MIGA1: variants seen among roughly 807,000 people sequenced by gnomAD.
MIGA1 encodes family with sequence similarity 73, member A.
A neutral mutation model predicts 82.0 loss-of-function variants in MIGA1; 58 were observed. The observed-to-expected ratio is 0.71, with a 90% CI of 0.57 to 0.88. The LOEUF (loss-of-function observed/expected upper bound fraction) is 0.88, where lower values mean the gene tolerates loss of function less well. MIGA1 is among the 40% of genes least tolerant of loss of function. MIGA1 has a pLI of 0.00. For missense variants in MIGA1, 751 were observed against 749.1 expected (o/e 1.00, Z -0.03); for synonymous variants, 249 against 253.6 (o/e 0.98, Z 0.17).
chr1:77,803,548 T>C, intron 4 of MIGA1, 142 bp downstream of exon 4: 1 of 404,472 alleles, frequency 2.5e-6, no homozygotes, highest in Non-Finnish European at 4.3e-6. Flanking sequence ...TTTAGGCAAG[T>C]AAAATACCTT....
chr1:77,863,874 C>G lies in MIGA1; in HGVS notation c.1375-20C>G. The G allele has an allele frequency of 6.7e-7, 1 of 1,489,942 alleles. No individual in the cohort carries two copies. The highest frequency in any genetic ancestry group is 9.1e-7 in the Non-Finnish European group (1 of 1,099,152). The allele number at this position is 1,489,942 out of a possible 1,614,324, so 92.3% of individuals were successfully genotyped here. ...CTCTATGTAATAATAATTTCTGTTTCAACTCATAATTTAATGCAGGTGAAA... is the reference window on the plus strand; with the variant it reads ...CTCTATGTAATAATAATTTCTGTTTGAACTCATAATTTAATGCAGGTGAAA... On this transcript the variant is annotated intron_variant, in intron 12 of 15. Coordinates refer to ENST00000370791, the MANE Select transcript of MIGA1 (RefSeq NM_198549.4).
chr1:77,873,027 T>A lies in MIGA1; in HGVS notation c.1587T>A (p.His529Gln). 6.2e-7 allele frequency: 1 copy of A among 1,614,050 alleles called. No individual in the cohort carries two copies. The highest frequency in any genetic ancestry group is 1.7e-5 in the Admixed American group (1 of 60,006). ...AGATCCCAGATGGATTTTTTGCCCA[T>A]TTTTATGCCATTTGTGAACACATCA... The change falls in exon 15 of 16, where the codon CAT (histidine) becomes CAA (glutamine). Residue 529 changes from histidine (H) to glutamine (Q), a missense_variant. By Grantham distance (24) the His-to-Gln change is conservative. Around this residue, in one of 3 missense-constraint regions of MIGA1, gnomAD observed 265 missense variants for 293.6 expected, o/e 0.90. Coordinates refer to ENST00000370791, the MANE Select transcript of MIGA1 (RefSeq NM_198549.4).
chr1:77,879,430 TGTAAAA>T lies in MIGA1; in HGVS notation c.*4373_*4378del, dbSNP rs1646918983. 1 of 152,214 alleles carries T rather than the reference TGTAAAA, an allele frequency of 6.6e-6. No individual in the cohort carries two copies. The highest frequency in any genetic ancestry group is 2.1e-4 in the South Asian group (1 of 4,836). The allele number at this position is 152,214 out of a possible 1,614,324, so 9.4% of individuals were successfully genotyped here. A position where few individuals can be genotyped will look rare whatever the true frequency, so the allele number is the denominator to read the frequency against. ...TGTAAGGACTGTACTCATTAATTTG[TGTAAAA>T]GTAAAACACTACAGTAGCAGAAAAA... is the stretch of plus-strand genomic sequence containing the variant. On this transcript the variant is annotated 3_prime_UTR_variant, in exon 16 of 16. Transcript: ENST00000370791.
chr1:77,813,194 C>T (rs1426185084), intron 5 of MIGA1, among the ~76,000 whole-genome samples: 1 of 152,112 alleles, frequency 6.6e-6, no homozygotes, highest in African/African-American at 2.4e-5. Context: ...GTTGGCCAGG[C>T]TGGTCTCGAA....
intron 2 of MIGA1, among the ~76,000 whole-genome samples, chr1:77,792,882 G>A (rs371605363): frequency 1.6e-4 from 23 of 146,556 alleles, no homozygotes; most frequent in East Asian, 6.2e-4. Flanking sequence ...TCTGCCTCCC[G>A]GGTTCAAGTG....
At chr1:77,813,589 T>C (rs1570949890) in intron 5 of MIGA1, 145 bp from the exon 6 acceptor site, 1 of 870,678 alleles carries the variant, frequency 1.1e-6, no homozygotes, top group East Asian at 2.6e-5. Flanking sequence ...GAAACTAAGA[T>C]TCTGTCATGA....
chr1:77,819,647 G>A (rs1237083535), intron 7 of MIGA1, among the ~76,000 whole-genome samples: 1 of 151,922 alleles, frequency 6.6e-6, no homozygotes, highest in African/African-American at 2.4e-5. Flanking sequence ...GCAGTGGCTC[G>A]ATCTTGACGC....
chr1:77,860,915 A>T (rs1685433520), intron 11 of MIGA1: 1 of 258,894 alleles, frequency 3.9e-6, no homozygotes, highest in Non-Finnish European at 7.4e-6. Context: ...AAGAAGCAGA[A>T]CTGCAACAAA....
At chr1:77,833,081 A>C (rs1684303657) in intron 7 of MIGA1, among the ~76,000 whole-genome samples, 1 of 152,204 alleles carries the variant, frequency 6.6e-6, no homozygotes. Context: ...ATACTGAATG[A>C]ACTTGGCAAC....
At chr1:77,789,189 G>A (rs950317513) in intron 2 of MIGA1, among the ~76,000 whole-genome samples, 1 of 147,882 alleles carries the variant, frequency 6.8e-6, no homozygotes, top group South Asian at 2.1e-4. Context: ...ATGGAATTGT[G>A]GGGGGCGGTT....
At chr1:77,861,422 C>T (rs1685448675) in intron 12 of MIGA1, 100 bp downstream of exon 12, 2 of 781,250 alleles carry the variant, frequency 2.6e-6, no homozygotes, top group Non-Finnish European at 4.3e-6. Context: ...TAAATAAAGC[C>T]AATTGTATGG....
At chr1:77,848,718 T>C in intron 8 of MIGA1, 1 of 1,533,026 alleles carries the variant, frequency 6.5e-7, no homozygotes, top group Non-Finnish European at 9.0e-7. Flanking sequence ...ACGAAGAAAC[T>C]GTAATGTCAG....
At chr1:77,840,590 G>T (rs555823604) in intron 7 of MIGA1, among the ~76,000 whole-genome samples, 2 of 152,070 alleles carry the variant, frequency 1.3e-5, no homozygotes, top group African/African-American at 4.8e-5. Flanking sequence ...AGGCGGGCGG[G>T]TCACCTGAGT....
chr1:77,779,850 C>G, intron 1 of MIGA1, 114 bp downstream of exon 1: 1 of 1,433,856 alleles, frequency 7.0e-7, no homozygotes. Context: ...GACTCCATCG[C>G]TGGCGTTAGC....
intron 13 of MIGA1, 40 bp from the exon 14 acceptor site, chr1:77,866,288 AATGTTTATAT>A (rs1433509231): frequency 3.9e-6 from 6 of 1,534,594 alleles, no homozygotes; most frequent in Non-Finnish European, 5.4e-6. Flanking sequence ...TAAAAATGGA[AATGTTTATAT>A]AGCTATATAT....
At chr1:77,846,086 A>T (rs1684828934) in intron 8 of MIGA1, among the ~76,000 whole-genome samples, 2 of 152,028 alleles carry the variant, frequency 1.3e-5, no homozygotes, top group Admixed American at 1.3e-4. Flanking sequence ...TAATTTCAGA[A>T]CATTTTTATC....
chr1:77,872,871 ACT>A (rs917759375), intron 14 of MIGA1, 131 bp from the exon 15 acceptor site: 1 of 1,060,948 alleles, frequency 9.4e-7, no homozygotes, highest in African/African-American at 1.6e-5. Flanking sequence ...GTGTTGCTAG[ACT>A]CTGGTTCTAA....
chr1:77,847,674 A>G (rs1684896443), intron 8 of MIGA1: 2 of 1,574,150 alleles, frequency 1.3e-6, no homozygotes, highest in Non-Finnish European at 1.7e-6. Flanking sequence ...GAAAGATCTC[A>G]GTGGATTTTA....
chr1:77,860,059 C>A lies in MIGA1; in HGVS notation c.1208C>A (p.Ala403Asp). The A allele has an allele frequency of 6.2e-7, 1 of 1,610,162 alleles. No homozygotes were observed. The highest frequency in any genetic ancestry group is 8.5e-7 in the Non-Finnish European group (1 of 1,177,744). ...TTTCAGGTAATTCTTTCAGAATCAG[C>A]TAACAGGATATTCCTCGCTGAGAGC... The change falls in exon 11 of 16, where the codon GCT becomes GAT. Residue 403 changes from alanine to aspartate, a missense_variant. Ala to Asp is a moderately radical substitution (Grantham distance 126). Transcript: ENST00000370791.
Sources: allele counts gnomAD v4.1 joint callset (sites outside exome capture counted in the v4.1 genomes callset), GRCh38; gene constraint gnomAD v4.1.1; regional missense constraint gnomAD v4.1.1; transcripts MANE v1.5; gene names NCBI Gene and HGNC (gene_info 2026-07-23, HGNC 2026-07-21).